WNT5B: variants seen among roughly 807,000 people sequenced by gnomAD.
WNT5B encodes protein Wnt-5b.
WNT5B carries 18 observed loss-of-function variants against 36.5 expected under a neutral mutation model. The ratio of observed to expected loss-of-function variants is 0.49; its 90% CI spans 0.34 to 0.73. WNT5B has a LOEUF of 0.73. WNT5B is among the 30% of genes least tolerant of loss of function. The pLI is 0.01. For synonymous variants in WNT5B, 213 were observed against 212.3 expected, an observed-to-expected ratio of 1.00 and a Z score of -0.03; for missense variants, 424 against 508.4, an observed-to-expected ratio of 0.83 and a Z score of 1.60.
At chr12:1,626,541 G>C (rs1351876310), upstream of WNT5B, among the ~76,000 whole-genome samples, 1 of 148,744 alleles carries the variant, frequency 6.7e-6, no homozygotes, top group South Asian at 2.1e-4. Flanking sequence ...GGGATTACAG[G>C]CGTGAGCCAC....
At chr12:1,638,478 G>A (rs1010416163) in intron 3 of WNT5B, among the ~76,000 whole-genome samples, 1 of 152,112 alleles carries the variant, frequency 6.6e-6, no homozygotes, top group African/African-American at 2.4e-5. Flanking sequence ...TGGTTTTTCC[G>A]TGTTCTCACC....
intron 3 of WNT5B, among the ~76,000 whole-genome samples, chr12:1,638,317 G>A (rs933097663): frequency 6.6e-5 from 10 of 152,194 alleles, no homozygotes; most frequent in Non-Finnish European, 1.3e-4. Flanking sequence ...ATAGTAAAAC[G>A]AGGAGCTTTG....
chr12:1,621,219 G>A (rs551574985), intron 1 of WNT5B, among the ~76,000 whole-genome samples: 12 of 152,038 alleles, frequency 7.9e-5, no homozygotes, highest in African/African-American at 2.2e-4. Flanking sequence ...TTGATTTGAC[G>A]TGGAAGGCAA....
At chr12:1,623,177 G>GTTTTTTTTTTT (rs1565603144) in intron 1 of WNT5B, among the ~76,000 whole-genome samples, 3 of 98,188 alleles carry the variant, frequency 3.1e-5, no homozygotes, top group African/African-American at 1.3e-4. Flanking sequence ...CCTTTGAAGG[G>GTTTTTTTTTTT]TTTTTTGTTG....
At position 1,634,677 on chromosome 12, in the gene WNT5B, C is replaced by T. The variant is rs28384803; in HGVS notation, c.328+1772C>T. On this transcript the variant is annotated intron_variant, in intron 3 of 4. Coordinates refer to ENST00000397196, the MANE Select transcript of WNT5B (RefSeq NM_032642.3). ...CCTAGGAGGCTGTCCTCCCTTCCTC[C>T]CCCCTGAGCCCAGAGTAGCTCCTGG... Among the ~76,000 whole-genome samples, 14 of 152,280 alleles carry T rather than the reference C, an allele frequency of 9.2e-5. No homozygotes were observed. The East Asian group carries it at 2.5e-3, about 27-fold the overall frequency.
upstream of WNT5B, among the ~76,000 whole-genome samples, chr12:1,626,405 A>C (rs892843135): frequency 6.6e-6 from 1 of 151,652 alleles, no homozygotes; most frequent in Non-Finnish European, 1.5e-5. Context: ...CTGGGATTAC[A>C]GGTATGTGCC....
At position 1,632,251 on chromosome 12, in the gene WNT5B, G is replaced by A. The variant is rs955698582; in HGVS notation, c.81-407G>A. On this transcript the variant is annotated intron_variant, in intron 2 of 4. Transcript: ENST00000397196. This position sits in a 1 kb window ranked among gnomAD's most constrained non-coding sequence, Gnocchi z 5.8. ...AATGAGGCCTGTGCTCTCCTGTTGA[G>A]GTTTGGCTCTTTTTGCCCTCTATTA... Among the ~76,000 whole-genome samples the A allele has an allele frequency of 1.3e-5, 2 of 152,170 alleles. No individual in the cohort carries two copies. The highest frequency in any genetic ancestry group is 4.8e-5 in the African/African-American group (2 of 41,442).
In WNT5B at chr12:1,646,061, C is replaced by G; in HGVS notation, c.889C>G (p.Leu297Val). ...YCLRNESTGSLGTQGRLCNKT... is the reference protein window; with the variant it reads ...YCLRNESTGSVGTQGRLCNKT... ...CCTGCGCAACGAGAGCACGGGCTCC[C>G]TGGGCACGCAGGGCCGCCTCTGCAA... The change falls in exon 5 of 5, where the codon CTG becomes GTG. Residue 297 changes from leucine to valine, a missense_variant. Coordinates refer to ENST00000397196, the MANE Select transcript of WNT5B (RefSeq NM_032642.3). The G allele has an allele frequency of 1.2e-6, 2 of 1,613,650 alleles. No homozygotes were observed. The highest frequency in any genetic ancestry group is 1.7e-6 in the Non-Finnish European group (2 of 1,180,036).
chr12:1,632,445 G>A lies in WNT5B; in HGVS notation c.81-213G>A, dbSNP rs1391105912. Among the ~76,000 whole-genome samples, 3 of 152,180 alleles carry A rather than the reference G, an allele frequency of 2.0e-5. 1 individual carries two copies. Among genetic ancestry groups the A allele is most frequent in the African/African-American group, 7.2e-5 (3 of 41,452 alleles). Reference sequence around the variant, plus strand: ...GAAGCATATCCAGAGTCTGTCTGGGGCATTTGGCATCTCGCATGTCCTTTG... The same window carrying A: ...GAAGCATATCCAGAGTCTGTCTGGGACATTTGGCATCTCGCATGTCCTTTG... On this transcript the variant is annotated intron_variant, in intron 2 of 4. Transcript: ENST00000397196. This position sits in a 1 kb window ranked among gnomAD's most constrained non-coding sequence, Gnocchi z 5.8.
intron 1 of WNT5B, among the ~76,000 whole-genome samples, chr12:1,623,183 T>TG (rs2094536219): frequency 7.5e-6 from 1 of 132,604 alleles, no homozygotes; most frequent in African/African-American, 3.1e-5. Flanking sequence ...AAGGGTTTTT[T>TG]GTTGTTTTTT....
intron 1 of WNT5B, chr12:1,631,037 A>G (rs927427775): frequency 1.3e-5 from 3 of 224,510 alleles, no homozygotes; most frequent in Non-Finnish European, 8.7e-6. Context: ...ACTTGTTTTC[A>G]TTTCTCTTTG....
chr12:1,617,125 G>A (rs761052729), exon 1 of WNT5B: 5 of 152,172 alleles, frequency 3.3e-5, no homozygotes, highest in African/African-American at 4.8e-5. Flanking sequence ...TCTCAAGAGA[G>A]CGAGAAGACT....
At chr12:1,623,481 C>T (rs1406258427) in intron 1 of WNT5B, among the ~76,000 whole-genome samples, 1 of 152,116 alleles carries the variant, frequency 6.6e-6, no homozygotes, top group Admixed American at 6.5e-5. Flanking sequence ...AGGCTTGAGC[C>T]ACCGCGCCCG....
At chr12:1,640,281 G>C (rs1435173479) in intron 4 of WNT5B, among the ~76,000 whole-genome samples, 1 of 152,198 alleles carries the variant, frequency 6.6e-6, no homozygotes, top group African/African-American at 2.4e-5. Context: ...GTAAGGATTA[G>C]AGCAGCGCTC....
chr12:1,634,876 G>C (rs1170891375), intron 3 of WNT5B, among the ~76,000 whole-genome samples: 1 of 152,252 alleles, frequency 6.6e-6, no homozygotes, highest in Admixed American at 6.5e-5. Context: ...ATGGAACAGA[G>C]AGGGCATGAA....
chr12:1,623,194 T>TTTTTG lies in WNT5B; in HGVS notation c.-58+6055_-58+6056insGTTTT, dbSNP rs1171998339. On this transcript the variant is annotated intron_variant, in intron 1 of 4. Transcript: ENST00000310594. ...TTTGAAGGGTTTTTTGTTGTTTTTTTTTTTTTTTTTTTTTTTTTTGAGACG... is the reference window on the plus strand; with the variant it reads ...TTTGAAGGGTTTTTTGTTGTTTTTTTTTTTGTTTTTTTTTTTTTTTTTTTGAGACG... Among the ~76,000 whole-genome samples the TTTTTG allele has an allele frequency of 5.4e-3, 597 of 111,146 alleles. 10 individuals are homozygous for TTTTTG. Among genetic ancestry groups the TTTTTG allele is most frequent in the Non-Finnish European group, 7.8e-3 (423 of 53,904 alleles). 72.9% of individuals were successfully genotyped at this position (111,146 alleles called of 152,430 possible).
upstream of WNT5B, among the ~76,000 whole-genome samples, chr12:1,628,006 G>A (rs2094543561): frequency 6.6e-6 from 1 of 152,152 alleles, no homozygotes; most frequent in Non-Finnish European, 1.5e-5. Flanking sequence ...TGAATGTATT[G>A]AATGGCTGCA....
chr12:1,644,510 A>T lies in WNT5B; in HGVS notation c.622-1284A>T, dbSNP rs2094581679. 6.6e-6 allele frequency among the ~76,000 whole-genome samples: 1 copy of T among 152,240 alleles called. No homozygotes were observed. The highest frequency in any genetic ancestry group is 2.1e-4 in the South Asian group (1 of 4,834). ...CTTTTGCCAACAGTCATATGCACTG[A>T]TGATGGCTGTGCTGTCTCTTGCACC... On this transcript the variant is annotated intron_variant, in intron 4 of 4. Transcript: ENST00000397196. The surrounding 1 kb of genome is among the most constrained non-coding windows in gnomAD (Gnocchi z 5.1).
In WNT5B at chr12:1,618,860, A is replaced by G. The variant is rs1318756480; in HGVS notation, c.-58+1717A>G. Reference sequence around the variant, plus strand: ...GAGTTGGTCACTTTCACACTGCTCCAGGCACCAGGAGTTGGAAGCTGGAAG... The same window carrying G: ...GAGTTGGTCACTTTCACACTGCTCCGGGCACCAGGAGTTGGAAGCTGGAAG... On this transcript the variant is annotated intron_variant, in intron 1 of 4. Coordinates refer to the WNT5B transcript ENST00000310594. This position sits in a 1 kb window ranked among gnomAD's most constrained non-coding sequence, Gnocchi z 4.1. Among the ~76,000 whole-genome samples the G allele has an allele frequency of 6.6e-6, 1 of 152,164 alleles. No individual in the cohort carries two copies. The highest frequency in any genetic ancestry group is 1.5e-5 in the Non-Finnish European group (1 of 68,026).
Sources: gnomAD v4.1 joint callset for allele counts (sites outside exome capture counted in the v4.1 genomes callset) on GRCh38, gnomAD v4.1.1 for gene constraint, Gnocchi (gnomAD v3.1) non-coding constraint, MANE v1.5 for transcripts, NCBI Gene and HGNC (gene_info 2026-07-23, HGNC 2026-07-21) for gene names.